Variants in DAB2IP observed in about 807,000 individuals in gnomAD.
DAB2IP encodes the protein disabled homolog 2-interacting protein.
DAB2IP carries 28 observed loss-of-function variants against 107.2 expected under a neutral mutation model. The observed-to-expected ratio is 0.26, with a 90% confidence interval of 0.19 to 0.36. The LOEUF (loss-of-function observed/expected upper bound fraction) is 0.36, where lower values mean the gene tolerates loss of function less well. DAB2IP is among the 10% of genes least tolerant of loss of function. The probability of loss-of-function intolerance (pLI) is 1.00; values close to 1 mark genes in which losing one functional copy is unlikely to be tolerated. For missense variants in DAB2IP, 1,400 were observed against 1,644.7 expected, an observed-to-expected ratio of 0.85 and a Z score of 2.57; for synonymous variants, 755 against 706.4, an observed-to-expected ratio of 1.07 and a Z score of -1.09.
intron 1 of DAB2IP, among the ~76,000 whole-genome samples, chr9:121,607,718 A>G (rs1830932196): frequency 2.0e-5 from 3 of 152,168 alleles, no homozygotes; most frequent in South Asian, 4.1e-4. Flanking sequence ...CAGGTGCCTC[A>G]TGGTTTTCCC....
upstream of DAB2IP, among the ~76,000 whole-genome samples, chr9:121,646,743 C>T (rs1360332992): frequency 6.6e-6 from 1 of 152,048 alleles, no homozygotes; most frequent in African/African-American, 2.4e-5. Context: ...CTAGCCTCCT[C>T]CTGTCCCTTG....
At chr9:121,737,032 TGAG>T (rs1179566100) in intron 3 of DAB2IP, among the ~76,000 whole-genome samples, 2 of 151,994 alleles carry the variant, frequency 1.3e-5, no homozygotes, top group Non-Finnish European at 2.9e-5. Context: ...GAGACCGGAA[TGAG>T]GAGGAACCAG....
intron 1 of DAB2IP, among the ~76,000 whole-genome samples, chr9:121,620,220 T>C (rs888614059): frequency 9.2e-5 from 14 of 152,324 alleles, no homozygotes; most frequent in African/African-American, 2.4e-4. Context: ...TGGAGGAAGT[T>C]GCTGGAGCCC....
At chr9:121,581,017 C>T (rs2118905264) in intron 1 of DAB2IP, among the ~76,000 whole-genome samples, 1 of 152,314 alleles carries the variant, frequency 6.6e-6, no homozygotes, top group Admixed American at 6.5e-5. Context: ...GGGTAGCGGC[C>T]TCAAATGCCG....
intron 8 of DAB2IP, among the ~76,000 whole-genome samples, chr9:121,765,811 G>T (rs919822700): frequency 3.3e-5 from 5 of 152,216 alleles, no homozygotes; most frequent in African/African-American, 9.6e-5. Context: ...GGAACCAGGA[G>T]CCCCATTGTC....
intron 1 of DAB2IP, among the ~76,000 whole-genome samples, chr9:121,574,400 C>T (rs891802642): frequency 2.0e-5 from 3 of 152,074 alleles, no homozygotes; most frequent in Non-Finnish European, 2.9e-5. Context: ...CCATCTTGTT[C>T]GAGGGCTCTG....
At chr9:121,721,327 A>G (rs1361813679) in intron 3 of DAB2IP, among the ~76,000 whole-genome samples, 1 of 152,194 alleles carries the variant, frequency 6.6e-6, no homozygotes, top group Non-Finnish European at 1.5e-5. Context: ...CTCTCAGGGA[A>G]GCAGCATAGC....
At chr9:121,725,209 G>C (rs1831169314) in intron 3 of DAB2IP, among the ~76,000 whole-genome samples, 1 of 152,172 alleles carries the variant, frequency 6.6e-6, no homozygotes, top group African/African-American at 2.4e-5. Flanking sequence ...TGTTTGCGTT[G>C]TCGTCACGTC....
intron 3 of DAB2IP, among the ~76,000 whole-genome samples, chr9:121,756,768 C>T (rs1296155119): frequency 6.6e-6 from 1 of 152,264 alleles, no homozygotes; most frequent in Non-Finnish European, 1.5e-5. Context: ...GGAGTGGCGC[C>T]TAATCCTCAC....
chr9:121,749,298 T>G (rs932810950), intron 3 of DAB2IP, among the ~76,000 whole-genome samples: 1 of 152,246 alleles, frequency 6.6e-6, no homozygotes, highest in Non-Finnish European at 1.5e-5. Context: ...AGCAGGTCAG[T>G]GCATTCATTG....
At chr9:121,644,773 G>A (rs889361075) in intron 1 of DAB2IP, among the ~76,000 whole-genome samples, 4 of 152,186 alleles carry the variant, frequency 2.6e-5, no homozygotes, top group African/African-American at 9.7e-5. Context: ...TTAGGAAATG[G>A]AGGCACAGAG....
At chr9:121,724,875 G>A (rs930400967) in intron 3 of DAB2IP, among the ~76,000 whole-genome samples, 15 of 152,128 alleles carry the variant, frequency 9.9e-5, no homozygotes, top group African/African-American at 3.4e-4. Flanking sequence ...CAAAAAGGTG[G>A]GTAGGATTTT....
Position 121,699,820 on chromosome 9 carries a change from C to A in DAB2IP, c.362+362C>A, listed in dbSNP as rs543152815. 6.6e-6 allele frequency among the ~76,000 whole-genome samples: 1 copy of A among 152,210 alleles called. No homozygotes were observed. Among genetic ancestry groups the A allele is most frequent in the African/African-American group, 2.4e-5 (1 of 41,464 alleles). On this transcript the variant is annotated intron_variant, in intron 3 of 15. Coordinates refer to ENST00000408936, the Ensembl canonical transcript of DAB2IP. This position sits in a 1 kb window ranked among gnomAD's most constrained non-coding sequence, Gnocchi z 6.2. ...CCGGGGACGGAAGTGGGGCCTCTGC[C>A]GCCAGGACCCATCCCCCTGCCTTGG...
intron 3 of DAB2IP, among the ~76,000 whole-genome samples, chr9:121,720,119 T>G (rs1830836936): frequency 6.6e-6 from 1 of 152,242 alleles, no homozygotes; most frequent in South Asian, 2.1e-4. Context: ...CTCTGGCCTC[T>G]GTTGCCCAGC....
intron 3 of DAB2IP, among the ~76,000 whole-genome samples, chr9:121,703,845 G>A (rs1829915436): frequency 6.6e-6 from 1 of 152,144 alleles, no homozygotes; most frequent in Non-Finnish European, 1.5e-5. Context: ...TCATCCTGAG[G>A]TTCAAGAGAT....
At chr9:121,571,869 C>T (rs1474004791) in intron 1 of DAB2IP, among the ~76,000 whole-genome samples, 1 of 152,058 alleles carries the variant, frequency 6.6e-6, no homozygotes, top group Non-Finnish European at 1.5e-5. Flanking sequence ...GTTTCTTTTA[C>T]AGGACAGTCA....
At chr9:121,759,100 G>C in intron 5 of DAB2IP, 104 bp downstream of exon 5, 1 of 1,199,930 alleles carries the variant, frequency 8.3e-7, no homozygotes, top group Non-Finnish European at 1.2e-6. Context: ...GATTGGGGGT[G>C]GTCAGCCTGC....
At position 121,621,395 on chromosome 9, in the gene DAB2IP, A is replaced by G. The variant is rs376182856; in HGVS notation, c.40+54167A>G. ...TTCCAGTAGGATCCTCCTTGCCAAC[A>G]GTTCCTTCCTATGTGCTCAGGAGCT... On this transcript the variant is annotated intron_variant, in intron 1 of 16. Coordinates refer to the DAB2IP transcript ENST00000259371. Among the ~76,000 whole-genome samples the G allele has an allele frequency of 2.0e-5, 3 of 152,210 alleles. No homozygotes were observed. The East Asian group carries it at 5.8e-4, about 30-fold the overall frequency.
At chr9:121,757,058 C>G (rs267602113) in exon 4 of DAB2IP, 32 of 1,614,206 alleles carry the variant, frequency 2.0e-5, no homozygotes, top group Non-Finnish European at 2.7e-5. Context: ...CCCACGAGTC[C>G]CTGCTCAGCC....
Sources: gnomAD v4.1 joint callset for allele counts (sites outside exome capture counted in the v4.1 genomes callset) on GRCh38, gnomAD v4.1.1 for gene constraint, Gnocchi (gnomAD v3.1) non-coding constraint, MANE v1.5 for transcripts, NCBI Gene and HGNC (gene_info 2026-07-23, HGNC 2026-07-21) for gene names.